Variants in ANKRD30A observed in about 807,000 individuals in gnomAD.
ANKRD30A encodes ankyrin repeat domain-containing protein 30A.
A neutral mutation model predicts 166.3 loss-of-function variants in ANKRD30A; 170 were observed. That is an observed-to-expected ratio of 1.02 (90% confidence interval 0.90 to 1.16). The LOEUF is 1.16. Ranked by LOEUF, ANKRD30A falls within the 50% of genes most tolerant of loss-of-function variation. The probability of loss-of-function intolerance (pLI) is 0.00; values close to 1 mark genes in which losing one functional copy is unlikely to be tolerated. For synonymous variants in ANKRD30A, 564 were observed against 508.9 expected (o/e 1.11, Z -1.46); for missense variants, 1,630 against 1,518.0 (o/e 1.07, Z -1.23).
At chr10:37,172,054 A>T (rs1184561200) in intron 21 of ANKRD30A, among the ~76,000 whole-genome samples, 1 of 143,134 alleles carries the variant, frequency 7.0e-6, no homozygotes, top group African/African-American at 2.6e-5. Flanking sequence ...TTATTTATTT[A>T]AAAAATGGTG....
chr10:37,133,469 G>A (rs914090451), intron 4 of ANKRD30A, among the ~76,000 whole-genome samples: 1 of 151,950 alleles, frequency 6.6e-6, no homozygotes, highest in African/African-American at 2.4e-5. Context: ...TTTAATTCAG[G>A]GTCTCATACA....
chr10:37,223,307 A>C (rs1158554964), intron 34 of ANKRD30A, among the ~76,000 whole-genome samples: 1 of 151,258 alleles, frequency 6.6e-6, no homozygotes, highest in Non-Finnish European at 1.5e-5. Flanking sequence ...AAAAATGGTT[A>C]ATAGAAAAAG....
intron 34 of ANKRD30A, among the ~76,000 whole-genome samples, chr10:37,228,979 G>C (rs187523333): frequency 6.6e-6 from 1 of 151,948 alleles, no homozygotes; most frequent in Admixed American, 6.6e-5. Context: ...GCTTGTCACT[G>C]TTCCTCTTAA....
rs1338732965 is a variant in ANKRD30A at position 37,147,365 on chromosome 10, AAC to A, written c.1456-3_1456-2del. 1 of 1,564,706 alleles carries A rather than the reference AAC, an allele frequency of 6.4e-7. No individual in the cohort carries two copies. Among genetic ancestry groups the A allele is most frequent in the Non-Finnish European group, 8.7e-7 (1 of 1,152,608 alleles). Reference sequence around the variant, plus strand: ...GAAATTATCTATTGATACTACTTTTAACAGAGTCTCTTTGAGAGTTCTGCAAA... The same window carrying A: ...GAAATTATCTATTGATACTACTTTTAAGAGTCTCTTTGAGAGTTCTGCAAA... On this transcript the variant is annotated splice_region_variant and splice_polypyrimidine_tract_variant and intron_variant, in intron 8 of 35. Transcript: ENST00000361713.
At chr10:37,131,171 C>CTTT (rs561532528) in intron 3 of ANKRD30A, among the ~76,000 whole-genome samples, 5,487 of 17,788 alleles carry the variant, frequency 0.31, 121 homozygotes, top group Non-Finnish European at 0.49. Flanking sequence ...AATATTATAT[C>CTTT]CTTCTCAGAA....
At chr10:37,160,442 A>G (rs1254603423) in intron 15 of ANKRD30A, among the ~76,000 whole-genome samples, 3 of 152,154 alleles carry the variant, frequency 2.0e-5, no homozygotes, top group Non-Finnish European at 4.4e-5. Flanking sequence ...CATTATGTGA[A>G]CTATTAGGCC....
chr10:37,159,163 G>T (rs1838631718), intron 15 of ANKRD30A, among the ~76,000 whole-genome samples: 1 of 152,124 alleles, frequency 6.6e-6, no homozygotes, highest in African/African-American at 2.4e-5. Flanking sequence ...GTAATGAATT[G>T]CCTAGAGATA....
intron 12 of ANKRD30A, among the ~76,000 whole-genome samples, chr10:37,152,926 A>G (rs2132562522): frequency 6.6e-6 from 1 of 152,234 alleles, no homozygotes; most frequent in South Asian, 2.1e-4. Context: ...AGACTTTAAC[A>G]CTTGTTTGCT....
chr10:37,153,687 A>C, intron 13 of ANKRD30A, 25 bp downstream of exon 13: 1 of 1,609,312 alleles, frequency 6.2e-7, no homozygotes, highest in Non-Finnish European at 8.5e-7. Context: ...TTATTTAAAA[A>C]TCAGTTGACC....
At chr10:37,263,270 CT>C in the ANKRD30A span, among the ~76,000 whole-genome samples, 1 of 151,508 alleles carries the variant, frequency 6.6e-6, no homozygotes, top group African/African-American at 2.4e-5. Flanking sequence ...CAGTCCCCAA[CT>C]TTTTTGGCAC....
At position 37,197,473 on chromosome 10, in the gene ANKRD30A, G is replaced by T; in HGVS notation, c.2709G>T (p.Leu903Phe). 6.2e-7 allele frequency: 1 copy of T among 1,612,262 alleles called. No homozygotes were observed. Among genetic ancestry groups the T allele is most frequent in the South Asian group, 1.1e-5 (1 of 91,000 alleles). Residue 903 changes from leucine to phenylalanine, a missense_variant, in exon 29 of 36, where the codon TTG (leucine) becomes TTT (phenylalanine). Around this residue, in one of 4 missense-constraint regions of ANKRD30A, gnomAD observed 712 missense variants for 629.3 expected, o/e 1.13. Coordinates refer to ENST00000361713, the MANE Select transcript of ANKRD30A (RefSeq NM_052997.3). Reference sequence around the variant, plus strand: ...TGGAATTGAAGAATGAACAAACATTGAGAGCAGGTACATTTTTCAATGTAA... The same window carrying T: ...TGGAATTGAAGAATGAACAAACATTTAGAGCAGGTACATTTTTCAATGTAA... ...KALELKNEQT[L>F]RADQMFPSES...
intron 13 of ANKRD30A, among the ~76,000 whole-genome samples, chr10:37,157,695 C>T (rs994070528): frequency 3.3e-5 from 5 of 152,046 alleles, no homozygotes; most frequent in Admixed American, 6.6e-5. Context: ...TTGATGGGTA[C>T]GCTTGGACCT....
the ANKRD30A span, among the ~76,000 whole-genome samples, chr10:37,256,578 G>A: frequency 6.6e-6 from 1 of 152,136 alleles, no homozygotes; most frequent in Non-Finnish European, 1.5e-5. Context: ...TAGACTGTAA[G>A]TAAACATTTA....
chr10:37,150,744 A>G (rs572991719), intron 11 of ANKRD30A, among the ~76,000 whole-genome samples: 2 of 152,280 alleles, frequency 1.3e-5, no homozygotes, highest in East Asian at 3.9e-4. Context: ...AGTTAATTGC[A>G]CAATTTTTAT....
intron 24 of ANKRD30A, among the ~76,000 whole-genome samples, chr10:37,179,558 T>G (rs1336304895): frequency 4.0e-5 from 6 of 150,436 alleles, no homozygotes; most frequent in Non-Finnish European, 8.9e-5. Flanking sequence ...ATATTTAATA[T>G]TATGCTCTAA....
chr10:37,130,210 A>C lies in ANKRD30A; in HGVS notation c.342A>C (p.Leu114=). The C allele has an allele frequency of 1.3e-6, 2 of 1,588,108 alleles. No homozygotes were observed. The highest frequency in any genetic ancestry group is 1.7e-6 in the Non-Finnish European group (2 of 1,168,864). The change falls in exon 3 of 36, where the codon CTA becomes CTC. Residue 114 remains leucine, a synonymous_variant. Transcript: ENST00000361713. ...TCTTGCTTTAATACTGACAGGCTCT[A>C]CAATGCCATCAGGAGGCTTGTGCAA... is the stretch of plus-strand genomic sequence containing the variant. ...GEHRTPLMKA[L]QCHQEACANI...
chr10:37,193,630 G>C (rs1840787514), intron 27 of ANKRD30A, among the ~76,000 whole-genome samples: 1 of 152,010 alleles, frequency 6.6e-6, no homozygotes, highest in Non-Finnish European at 1.5e-5. Context: ...AGTTCCACTT[G>C]CTGACATGAC....
chr10:37,148,064 A>G (rs184831914), intron 9 of ANKRD30A, among the ~76,000 whole-genome samples: 16 of 152,318 alleles, frequency 1.1e-4, no homozygotes, highest in Non-Finnish European at 2.1e-4. Flanking sequence ...CACTCAGTAT[A>G]GACAAATACT....
At chr10:37,203,014 G>C (rs1173470522) in intron 31 of ANKRD30A, among the ~76,000 whole-genome samples, 2 of 152,074 alleles carry the variant, frequency 1.3e-5, no homozygotes, top group African/African-American at 4.8e-5. Flanking sequence ...ACCAAGAAAA[G>C]TCCAGGACTG....
Sources: allele counts gnomAD v4.1 joint callset (sites outside exome capture counted in the v4.1 genomes callset), GRCh38; gene constraint gnomAD v4.1.1; regional missense constraint gnomAD v4.1.1; transcripts MANE v1.5; gene names NCBI Gene and HGNC (gene_info 2026-07-23, HGNC 2026-07-21).